MREG: variants seen among roughly 807,000 people sequenced by gnomAD.
MREG encodes the protein melanoregulin.
A neutral mutation model predicts 28.5 loss-of-function variants in MREG; 31 were observed. That is an observed-to-expected ratio of 1.09 (90% CI 0.82 to 1.47). MREG has a LOEUF of 1.47. MREG is among the 40% of genes most tolerant of loss of function. MREG has a pLI of 0.00. For synonymous variants in MREG, 106 were observed against 95.2 expected (o/e 1.11, Z -0.66); for missense variants, 256 against 257.4 (o/e 0.99, Z 0.04).
chr2:216,023,770 C>T (rs567510004), intron 1 of MREG, among the ~76,000 whole-genome samples: 3 of 152,122 alleles, frequency 2.0e-5, no homozygotes, highest in African/African-American at 2.4e-5. Context: ...AGGGTTGAAG[C>T]GATTCTCCTG....
intron 2 of MREG, among the ~76,000 whole-genome samples, chr2:215,982,216 G>A (rs547004636): frequency 3.3e-4 from 50 of 151,994 alleles, no homozygotes; most frequent in African/African-American, 1.2e-3. Context: ...AGCTAGTTGG[G>A]AGGCTGAGAC....
chr2:215,975,692 T>A (rs945256163), intron 2 of MREG, among the ~76,000 whole-genome samples: 2 of 152,210 alleles, frequency 1.3e-5, no homozygotes, highest in Admixed American at 1.3e-4. Flanking sequence ...CTTTATATAT[T>A]AAATAATGCA....
At chr2:215,998,622 A>G (rs1160261993) in intron 1 of MREG, among the ~76,000 whole-genome samples, 1 of 152,224 alleles carries the variant, frequency 6.6e-6, no homozygotes, top group Non-Finnish European at 1.5e-5. Flanking sequence ...TTTACTGATT[A>G]ATACCACAAA....
At chr2:215,996,574 T>C (rs1237979463) in intron 1 of MREG, 109 bp from the exon 2 acceptor site, 2 of 757,658 alleles carry the variant, frequency 2.6e-6, no homozygotes, top group Non-Finnish European at 4.1e-6. Context: ...ATGTAATATA[T>C]AAATATATTG....
At chr2:215,994,996 C>T (rs1392797555) in intron 2 of MREG, among the ~76,000 whole-genome samples, 1 of 152,166 alleles carries the variant, frequency 6.6e-6, no homozygotes, top group Non-Finnish European at 1.5e-5. Context: ...CTGTTCTCAC[C>T]AGCAGAAACC....
intron 2 of MREG, among the ~76,000 whole-genome samples, chr2:215,995,614 C>T (rs1693852058): frequency 6.7e-6 from 1 of 149,978 alleles, no homozygotes; most frequent in Non-Finnish European, 1.5e-5. Flanking sequence ...ACAGGTTTCT[C>T]CTCAGAGGTA....
At chr2:215,950,528 G>A (rs994867421) in intron 2 of MREG, among the ~76,000 whole-genome samples, 1 of 152,088 alleles carries the variant, frequency 6.6e-6, no homozygotes, top group Admixed American at 6.5e-5. Flanking sequence ...CCATGGTTTG[G>A]GGACAGCTTG....
At chr2:215,972,121 C>A (rs1693116024) in intron 2 of MREG, among the ~76,000 whole-genome samples, 1 of 152,162 alleles carries the variant, frequency 6.6e-6, no homozygotes, top group Non-Finnish European at 1.5e-5. Context: ...CCTCTACCTT[C>A]AGGACCCTGT....
intron 2 of MREG, among the ~76,000 whole-genome samples, chr2:215,975,573 G>C (rs1693233645): frequency 6.6e-6 from 1 of 152,126 alleles, no homozygotes; most frequent in African/African-American, 2.4e-5. Flanking sequence ...ACATCCCATG[G>C]GCTCAGCCAA....
At chr2:215,980,895 C>CAGGGCAGGGA (rs1333113079) in intron 2 of MREG, among the ~76,000 whole-genome samples, 5 of 137,294 alleles carry the variant, frequency 3.6e-5, no homozygotes, top group African/African-American at 8.2e-5. Context: ...CAGGACAGGG[C>CAGGGCAGGGA]AGGGCAGGGA....
At chr2:215,999,964 A>G (rs3770557) in intron 1 of MREG, among the ~76,000 whole-genome samples, 78,847 of 152,060 alleles carry the variant, frequency 0.52, 20,743 homozygotes, top group African/African-American at 0.6. Flanking sequence ...GATTTGGAGA[A>G]GGAAGAGAAT....
chr2:216,016,813 T>C (rs755379089), upstream of MREG, among the ~76,000 whole-genome samples: 6 of 152,262 alleles, frequency 3.9e-5, no homozygotes, highest in Admixed American at 6.5e-5. Context: ...AGGATATTTA[T>C]AGAAAGCCAC....
At chr2:216,031,479 A>AAGAAAGAAAGAAAG (rs1694695627) in intron 1 of MREG, among the ~76,000 whole-genome samples, 1 of 130,554 alleles carries the variant, frequency 7.7e-6, no homozygotes, top group Non-Finnish European at 1.6e-5. Flanking sequence ...AAGAAAGAGA[A>AAGAAAGAAAGAAAG]AGAAAGAAAG....
chr2:215,945,822 G>A (rs1005834996), intron 3 of MREG, 88 bp from the exon 4 acceptor site: 2 of 1,123,718 alleles, frequency 1.8e-6, no homozygotes, highest in Non-Finnish European at 2.5e-6. Flanking sequence ...ATTACGAACA[G>A]ACCCATGTGG....
At chr2:216,024,096 T>C (rs895379964) in intron 1 of MREG, among the ~76,000 whole-genome samples, 1 of 152,142 alleles carries the variant, frequency 6.6e-6, no homozygotes, top group Admixed American at 6.5e-5. Context: ...GCCTCTAAGC[T>C]CCACTCTCCC....
chr2:215,988,931 A>G (rs1234179525), intron 2 of MREG, among the ~76,000 whole-genome samples: 2 of 152,340 alleles, frequency 1.3e-5, no homozygotes, highest in African/African-American at 4.8e-5. Context: ...TCCCTGGGAC[A>G]GAGCACCTGG....
In MREG at chr2:215,943,594, C is replaced by A. The variant is rs1446722852; in HGVS notation, c.*1269G>T. On this transcript the variant is annotated 3_prime_UTR_variant, in exon 5 of 5. Transcript: ENST00000263268. ...CGGTGACTCACGCCTGTAATCCCAG[C>A]ACTTTGGGAGGCTGGGGCAGGCGGA... 8 of 429,046 alleles carry A rather than the reference C, an allele frequency of 1.9e-5. No individual in the cohort carries two copies. The highest frequency in any genetic ancestry group is 4.1e-5 in the African/African-American group (2 of 49,256). 26.6% of individuals were successfully genotyped at this position (429,046 alleles called of 1,614,324 possible). A position where few individuals can be genotyped will look rare whatever the true frequency, so the allele number is the denominator to read the frequency against.
upstream of MREG, among the ~76,000 whole-genome samples, chr2:216,017,307 G>A (rs191377510): frequency 1.1e-3 from 173 of 152,118 alleles, no homozygotes; most frequent in African/African-American, 4.1e-3. Flanking sequence ...CTGTTTACTA[G>A]GTTTTTAGGG....
At position 215,994,890 on chromosome 2, in the gene MREG, AAGAG is replaced by A. The variant is rs146188715; in HGVS notation, c.255+1412_255+1415del. Among the ~76,000 whole-genome samples, 6 of 151,300 alleles carry A rather than the reference AAGAG, an allele frequency of 4.0e-5. No individual in the cohort carries two copies. In the South Asian group the frequency reaches 1.3e-3, roughly 32 times the overall value. ...ATGGGGCCCTGGTGAGAGAGAGAGA[AAGAG>A]AGAGAGAGAGACACTATACATTATT... is the stretch of plus-strand genomic sequence containing the variant. On this transcript the variant is annotated intron_variant, in intron 2 of 4. Transcript: ENST00000263268.
Sources: allele counts gnomAD v4.1 joint callset (sites outside exome capture counted in the v4.1 genomes callset), GRCh38; gene constraint gnomAD v4.1.1; transcripts MANE v1.5; gene names NCBI Gene and HGNC (gene_info 2026-07-23, HGNC 2026-07-21).